Variants in MMP28 observed in about 807,000 individuals in gnomAD.
MMP28 encodes matrix metallopeptidase 28.
Under a neutral mutation model 60.5 loss-of-function variants are expected in MMP28, and 55 were observed. The ratio of observed to expected loss-of-function variants is 0.91; its 90% CI spans 0.73 to 1.14. MMP28 has a LOEUF of 1.14. Ranked by LOEUF, MMP28 falls within the 50% of genes most tolerant of loss-of-function variation. The pLI is 0.00. For synonymous variants in MMP28, 318 were observed against 312.5 expected (o/e 1.02, Z -0.18); for missense variants, 686 against 738.3 (o/e 0.93, Z 0.82).
chr17:35,775,923 G>A (rs2086312592), intron 3 of MMP28, among the ~76,000 whole-genome samples: 1 of 152,110 alleles, frequency 6.6e-6, no homozygotes, highest in Non-Finnish European at 1.5e-5. Context: ...ACCCAGGCTG[G>A]AGTGCAGTGG....
At chr17:35,761,067 T>C (rs1386558421), downstream of MMP28, 3 of 1,193,060 alleles carry the variant, frequency 2.5e-6, no homozygotes, top group Admixed American at 3.0e-5. Context: ...CCCATCCATG[T>C]AGCTGCAAGC....
intron 1 of MMP28, among the ~76,000 whole-genome samples, chr17:35,783,308 C>T (rs1464708890): frequency 6.6e-6 from 1 of 152,194 alleles, no homozygotes; most frequent in Non-Finnish European, 1.5e-5. Flanking sequence ...GGTTGATTTA[C>T]CTTAGAGGGA....
downstream of MMP28, chr17:35,761,080 T>A: frequency 5.3e-6 from 5 of 945,448 alleles, no homozygotes; most frequent in Non-Finnish European, 6.1e-6. Context: ...CTGCAAGCCC[T>A]CTCCTTTCGC....
Position 35,768,219 on chromosome 17 carries a change from G to A in MMP28, c.1000+11C>T. ...AGAGAAAGAAGCAAAGCACCAGTGG[G>A]ACCTTCTTACCTACAGTGATGGCAT... On this transcript the variant is annotated intron_variant, in intron 6 of 7. Coordinates refer to ENST00000605424, the MANE Select transcript of MMP28 (RefSeq NM_024302.5). The A allele has an allele frequency of 6.3e-7, 1 of 1,592,672 alleles. No individual in the cohort carries two copies. Among genetic ancestry groups the A allele is most frequent in the Non-Finnish European group, 8.6e-7 (1 of 1,168,914 alleles).
intron 1 of MMP28, among the ~76,000 whole-genome samples, chr17:35,792,299 C>A (rs1466310138): frequency 6.6e-6 from 1 of 152,140 alleles, no homozygotes; most frequent in Non-Finnish European, 1.5e-5. Flanking sequence ...GTTCCTCTCT[C>A]TTCTCCCCGC....
chr17:35,777,840 C>T (rs1460562586), intron 3 of MMP28, among the ~76,000 whole-genome samples: 2 of 152,206 alleles, frequency 1.3e-5, no homozygotes, highest in Non-Finnish European at 2.9e-5. Context: ...CCAGCCTGGC[C>T]AACATGGCAA....
chr17:35,771,212 C>G (rs1228565049), intron 4 of MMP28, among the ~76,000 whole-genome samples: 2 of 152,108 alleles, frequency 1.3e-5, no homozygotes, highest in African/African-American at 4.8e-5. Flanking sequence ...GCGGGTGGAT[C>G]ACGAGGTCAA....
intron 4 of MMP28, among the ~76,000 whole-genome samples, chr17:35,771,905 G>A (rs556989024): frequency 6.6e-6 from 1 of 151,290 alleles, no homozygotes; most frequent in South Asian, 2.1e-4. Context: ...GCAGGTGCCA[G>A]GGTACCACCC....
chr17:35,783,788 G>A (rs927376397), intron 1 of MMP28, among the ~76,000 whole-genome samples: 3 of 152,006 alleles, frequency 2.0e-5, no homozygotes, highest in Admixed American at 1.3e-4. Context: ...GGGGGTTGGG[G>A]GTGAGGGCCT....
At chr17:35,769,769 T>TG (rs2086061929) in intron 5 of MMP28, among the ~76,000 whole-genome samples, 1 of 61,616 alleles carries the variant, frequency 1.6e-5, no homozygotes, top group Admixed American at 2.0e-4. Context: ...CTGCGGGGGC[T>TG]GGGGGTTGGG....
downstream of MMP28, among the ~76,000 whole-genome samples, chr17:35,762,931 G>T (rs2085850552): frequency 6.6e-6 from 1 of 152,106 alleles, no homozygotes; most frequent in Non-Finnish European, 1.5e-5. Context: ...GACCATCCTG[G>T]CAAACATGGT....
At chr17:35,760,992 G>A (rs782715641), downstream of MMP28, 3 of 1,601,452 alleles carry the variant, frequency 1.9e-6, no homozygotes, top group African/African-American at 2.7e-5. Flanking sequence ...CTGGAGGACA[G>A]GACCTCTTGA....
chr17:35,770,156 G>A lies in MMP28; in HGVS notation c.761C>T (p.Pro254Leu), dbSNP rs373798048. 2.9e-5 allele frequency: 46 copies of A among 1,607,196 alleles called. 1 individual carries two copies. The South Asian group carries it at 3.1e-4, about 11-fold the overall frequency. ...GTAGTAGGGCGCCATGAGCGCGCGC[G>A]GCGCGGGCGAGTGGGTGAGGCCAAG... ...HTLGLTHSPA[P>L]RALMAPYYKR... is the part of the protein sequence containing the mutation. Residue 254 changes from proline (P) to leucine (L), a missense_variant, in exon 5 of 8, where the codon CCG becomes CTG. Coordinates refer to ENST00000605424, the MANE Select transcript of MMP28 (RefSeq NM_024302.5).
downstream of MMP28, chr17:35,760,925 G>GCAC (rs1389766771): frequency 1.9e-6 from 3 of 1,613,738 alleles, no homozygotes; most frequent in African/African-American, 4.0e-5. Context: ...GGAAAGCAGG[G>GCAC]CACAGCCTTG....
At chr17:35,757,001 C>T (rs1409206397) in intron 2 of MMP28, among the ~76,000 whole-genome samples, 5 of 151,760 alleles carry the variant, frequency 3.3e-5, no homozygotes, top group African/African-American at 1.2e-4. Flanking sequence ...AGCTCGAGAA[C>T]AGCCTGGGCA....
chr17:35,764,343 G>A (rs892978386), downstream of MMP28: 20 of 1,461,290 alleles, frequency 1.4e-5, no homozygotes, highest in African/African-American at 2.9e-5. Context: ...CGCGCTCCTC[G>A]ACCGGGGCAC....
At chr17:35,781,075 G>A (rs149265930) in intron 1 of MMP28, among the ~76,000 whole-genome samples, 85 of 152,278 alleles carry the variant, frequency 5.6e-4, no homozygotes, top group African/African-American at 1.7e-3. Context: ...CCTAGGCTAA[G>A]AATGACAGTG....
In MMP28 at chr17:35,770,306, G is replaced by A. The variant is rs1013029066; in HGVS notation, c.611C>T (p.Ala204Val). ...LGNAFDGPGG[A>V]LAHAFLPRRG... ...GCGGGGCAGGAAGGCGTGCGCCAGG[G>A]CGCCCCCTGCAGGTGGGGCAGAAGG... The change falls in exon 5 of 8, where the codon GCC becomes GTC. Residue 204 changes from alanine to valine, a missense_variant. Ala to Val is a moderately conservative substitution (Grantham distance 64, BLOSUM62 0). Transcript: ENST00000605424. 1 of 1,514,666 alleles carries A rather than the reference G, an allele frequency of 6.6e-7. No individual in the cohort carries two copies. Among genetic ancestry groups the A allele is most frequent in the Non-Finnish European group, 8.8e-7 (1 of 1,140,094 alleles). 93.8% of individuals were successfully genotyped at this position (1,514,666 alleles called of 1,614,324 possible).
Position 35,768,306 on chromosome 17 carries a change from G to T in MMP28, c.924C>A (p.Ser308=), listed in dbSNP as rs2086008965. ...CAGGGCGCCTTCCTTGGGGGCTGTA[G>T]GAGTCCCAGGTCTCAAAGTCAGTGA... ...KLFTDFETWD[S]YSPQGRRPET... is the part of the protein sequence containing the mutation. Residue 308 remains serine (S), a synonymous_variant, in exon 6 of 8, where the codon TCC becomes TCA. Transcript: ENST00000605424. 1 of 1,613,454 alleles carries T rather than the reference G, an allele frequency of 6.2e-7. No individual in the cohort carries two copies. The highest frequency in any genetic ancestry group is 8.5e-7 in the Non-Finnish European group (1 of 1,179,640).
Sources: gnomAD v4.1 joint callset for allele counts (sites outside exome capture counted in the v4.1 genomes callset) on GRCh38, gnomAD v4.1.1 for gene constraint, MANE v1.5 for transcripts, NCBI Gene and HGNC (gene_info 2026-07-23, HGNC 2026-07-21) for gene names.